The following NCOA1 variants were observed in gnomAD, a reference collection of about 807,000 sequenced individuals.
NCOA1 encodes the protein nuclear receptor coactivator 1.
Under a neutral mutation model 150.9 loss-of-function variants are expected in NCOA1, and 35 were observed. That is an observed-to-expected ratio of 0.23 (90% CI 0.18 to 0.31). NCOA1 has a LOEUF of 0.31. NCOA1 is among the 10% of genes least tolerant of loss of function. The pLI is 1.00. For synonymous variants in NCOA1, 590 were observed against 630.0 expected, an observed-to-expected ratio of 0.94 and a Z score of 0.95; for missense variants, 1,491 against 1,749.3, an observed-to-expected ratio of 0.85 and a Z score of 2.63.
intron 3 of NCOA1, among the ~76,000 whole-genome samples, chr2:24,612,767 C>T (rs971707373): frequency 5.3e-5 from 8 of 152,122 alleles, no homozygotes; most frequent in Non-Finnish European, 1.2e-4. Flanking sequence ...AAAGTATTTA[C>T]CGCTTCCTTC....
At chr2:24,501,170 A>G (rs949695971) in intron 1 of NCOA1, among the ~76,000 whole-genome samples, 1 of 152,218 alleles carries the variant, frequency 6.6e-6, no homozygotes, top group South Asian at 2.1e-4. Flanking sequence ...TAAATGGTGA[A>G]TGGGATTGGA....
At chr2:24,735,192 C>T (rs1663234439) in intron 17 of NCOA1, among the ~76,000 whole-genome samples, 1 of 152,062 alleles carries the variant, frequency 6.6e-6, no homozygotes. Context: ...CAAAAGACAC[C>T]ATAAGCAAGG....
intron 14 of NCOA1, among the ~76,000 whole-genome samples, chr2:24,720,730 G>A (rs1283597497): frequency 1.3e-5 from 2 of 152,108 alleles, no homozygotes; most frequent in East Asian, 1.9e-4. Context: ...AAAAAAGATG[G>A]GAACAAAAAT....
At position 24,673,419 on chromosome 2, in the gene NCOA1, C is replaced by A; in HGVS notation, c.310C>A (p.Gln104Lys). ...GAAATCAGACATCTCATCAAGTAGT[C>A]AAGGAGTGATAGAAAAGGAATCCTT... Reference protein sequence around the residue: ...VQKSDISSSSQGVIEKESLGP... With the variant: ...VQKSDISSSSKGVIEKESLGP... The change falls in exon 7 of 23, where the codon CAA becomes AAA. Residue 104 changes from glutamine (Q) to lysine (K), a missense_variant. Physicochemically the swap from Gln to Lys is moderately conservative, Grantham distance 53 (BLOSUM62 1). Around this residue, in one of 8 missense-constraint regions of NCOA1, gnomAD observed 80 missense variants for 163.0 expected, o/e 0.49. Coordinates refer to ENST00000348332, the MANE Select transcript of NCOA1 (RefSeq NM_003743.5). The A allele has an allele frequency of 6.3e-7, 1 of 1,594,278 alleles. No individual in the cohort carries two copies. The highest frequency in any genetic ancestry group is 1.2e-5 in the South Asian group (1 of 84,270).
chr2:24,768,582 T>G lies in NCOA1; in HGVS notation c.*191T>G, dbSNP rs1665185911. 2.3e-6 allele frequency: 1 copy of G among 432,236 alleles called. No individual in the cohort carries two copies. The highest frequency in any genetic ancestry group is 3.8e-6 in the Non-Finnish European group (1 of 262,866). 26.8% of individuals were successfully genotyped at this position (432,236 alleles called of 1,614,324 possible). ...CGGGAGATTGAAAGATGTTTTTGTT[T>G]CTTTCTTTGTAAAGGCCTTGGATAT... On this transcript the variant is annotated 3_prime_UTR_variant, in exon 23 of 23. Transcript: ENST00000348332.
chr2:24,724,218 C>G (rs1674497478), intron 14 of NCOA1, among the ~76,000 whole-genome samples: 1 of 152,012 alleles, frequency 6.6e-6, no homozygotes, highest in Non-Finnish European at 1.5e-5. Flanking sequence ...CGGGGGATCC[C>G]TAGGGCTTGT....
chr2:24,524,677 A>G (rs1054037692), intron 1 of NCOA1, among the ~76,000 whole-genome samples: 1 of 151,624 alleles, frequency 6.6e-6, no homozygotes, highest in Non-Finnish European at 1.5e-5. Flanking sequence ...GTGCGATCTC[A>G]GCTCACTGCA....
intron 3 of NCOA1, among the ~76,000 whole-genome samples, chr2:24,599,771 T>C (rs953980553): frequency 6.7e-6 from 1 of 148,364 alleles, no homozygotes; most frequent in African/African-American, 2.5e-5. Context: ...CTTTTGCCCA[T>C]GCTGGAGTGC....
At chr2:24,638,830 C>T (rs187805284) in intron 3 of NCOA1, among the ~76,000 whole-genome samples, 1 of 152,174 alleles carries the variant, frequency 6.6e-6, no homozygotes, top group Admixed American at 6.5e-5. Context: ...ATTATTTGCC[C>T]ATTTTTAAAA....
intron 2 of NCOA1, among the ~76,000 whole-genome samples, chr2:24,581,592 G>C (rs1667197489): frequency 6.6e-6 from 1 of 152,148 alleles, no homozygotes; most frequent in South Asian, 2.1e-4. Flanking sequence ...TTGGTTTTGG[G>C]GGGAGTCTGG....
At chr2:24,723,815 T>G (rs1408518090) in intron 14 of NCOA1, among the ~76,000 whole-genome samples, 1 of 152,174 alleles carries the variant, frequency 6.6e-6, no homozygotes, top group East Asian at 1.9e-4. Context: ...AATAAAACAC[T>G]GTAACTGCTG....
intron 11 of NCOA1, among the ~76,000 whole-genome samples, chr2:24,700,900 A>G (rs1409669275): frequency 6.6e-6 from 1 of 152,216 alleles, no homozygotes; most frequent in Admixed American, 6.5e-5. Flanking sequence ...CACAAACTTA[A>G]TAACTATAAC....
chr2:24,697,580 A>T, intron 10 of NCOA1, 78 bp from the exon 11 acceptor site: 1 of 1,247,042 alleles, frequency 8.0e-7, no homozygotes, highest in South Asian at 1.5e-5. Context: ...TATTTCTTAG[A>T]TGCAGTTGTT....
rs1000105960 is a variant in NCOA1, at chr2:24,657,817, G to C, written c.-17-844G>C. ...CAAGAATTTTCTTTCCTTTTATAAG[G>C]GTAGATGGAGTAAAAGAGAATGGTG... On this transcript the variant is annotated intron_variant, in intron 4 of 22. Coordinates refer to ENST00000348332, the MANE Select transcript of NCOA1 (RefSeq NM_003743.5). 3.3e-5 allele frequency among the ~76,000 whole-genome samples: 5 copies of C among 152,148 alleles called. 1 individual carries two copies. Among genetic ancestry groups the C allele is most frequent in the Non-Finnish European group, 2.9e-5 (2 of 68,016 alleles).
intron 8 of NCOA1, among the ~76,000 whole-genome samples, chr2:24,685,285 A>T (rs1461064505): frequency 1.3e-5 from 2 of 152,202 alleles, no homozygotes; most frequent in Non-Finnish European, 2.9e-5. Context: ...CTTTTTAAGC[A>T]TAACATTTTA....
intron 3 of NCOA1, among the ~76,000 whole-genome samples, chr2:24,611,135 C>G (rs536090873): frequency 1.8e-4 from 28 of 152,142 alleles, no homozygotes; most frequent in Non-Finnish European, 7.4e-5. Context: ...GTCCCAGTGT[C>G]TATTGTTGCC....
At chr2:24,560,428 G>A (rs1324986291) in intron 1 of NCOA1, among the ~76,000 whole-genome samples, 1 of 151,982 alleles carries the variant, frequency 6.6e-6, no homozygotes, top group Non-Finnish European at 1.5e-5. Context: ...TTGATTCTAT[G>A]GATATGATTT....
At chr2:24,677,655 C>T (rs559542985) in intron 7 of NCOA1, among the ~76,000 whole-genome samples, 54 of 148,718 alleles carry the variant, frequency 3.6e-4, no homozygotes, top group African/African-American at 1.3e-3. Context: ...AACTCCTGGC[C>T]TCACATGATC....
intron 3 of NCOA1, among the ~76,000 whole-genome samples, chr2:24,598,577 G>A (rs1667977188): frequency 6.6e-6 from 1 of 152,112 alleles, no homozygotes; most frequent in South Asian, 2.1e-4. Flanking sequence ...AGCCTGATAA[G>A]TAGAGTACCA....
Sources: allele counts gnomAD v4.1 joint callset (sites outside exome capture counted in the v4.1 genomes callset), GRCh38; gene constraint gnomAD v4.1.1; regional missense constraint gnomAD v4.1.1; transcripts MANE v1.5; gene names NCBI Gene and HGNC (gene_info 2026-07-23, HGNC 2026-07-21).